The following IMMP2L variants were observed in gnomAD, a reference collection of about 807,000 sequenced individuals.
The protein encoded by IMMP2L is inner mitochondrial membrane peptidase subunit 2.
In IMMP2L, 18 loss-of-function variants were observed where a neutral mutation model predicts 19.3. The observed-to-expected ratio is 0.93, with a 90% CI of 0.64 to 1.38. The LOEUF (loss-of-function observed/expected upper bound fraction) is 1.38. Among genes scored for constraint, IMMP2L ranks in the 40% most tolerant of loss-of-function variants. The probability of loss-of-function intolerance (pLI) is 0.00; values close to 1 mark genes in which losing one functional copy is unlikely to be tolerated. For synonymous variants in IMMP2L, 76 were observed against 73.0 expected (o/e 1.04, Z -0.21); for missense variants, 233 against 218.2 (o/e 1.07, Z -0.43).
At chr7:111,546,895 A>T (rs1294195253) in intron 1 of IMMP2L, among the ~76,000 whole-genome samples, 2 of 152,214 alleles carry the variant, frequency 1.3e-5, no homozygotes, top group East Asian at 3.8e-4. Flanking sequence ...TCCAAATTTT[A>T]AAAATGAAAC....
chr7:111,275,313 A>G (rs1417802135), intron 3 of IMMP2L, among the ~76,000 whole-genome samples: 1 of 152,150 alleles, frequency 6.6e-6, no homozygotes, highest in Non-Finnish European at 1.5e-5. Context: ...ATTTCTACCA[A>G]CAAACTCAAA....
intron 4 of IMMP2L, among the ~76,000 whole-genome samples, chr7:110,919,617 A>T (rs1387639814): frequency 1.3e-5 from 2 of 152,174 alleles, no homozygotes; most frequent in African/African-American, 4.8e-5. Flanking sequence ...TTGAACCAGA[A>T]ATTCTCTTTT....
chr7:110,662,686 ACT>A lies in IMMP2L; in HGVS notation c.*914_*915del, dbSNP rs1791176421. On this transcript the variant is annotated 3_prime_UTR_variant, in exon 6 of 6. Coordinates refer to ENST00000405709, the MANE Select transcript of IMMP2L (RefSeq NM_032549.4). ...ATTCCATTATCCATACAAATTACAG[ACT>A]CTATGATTCTACTGTAACTTTGCAA... 6.6e-6 allele frequency among the ~76,000 whole-genome samples: 1 copy of A among 152,138 alleles called. No homozygotes were observed. The highest frequency in any genetic ancestry group is 1.5e-5 in the Non-Finnish European group (1 of 68,028).
At chr7:111,273,938 T>C (rs921336237) in intron 3 of IMMP2L, among the ~76,000 whole-genome samples, 3 of 152,190 alleles carry the variant, frequency 2.0e-5, no homozygotes, top group Non-Finnish European at 2.9e-5. Context: ...GAACTATATA[T>C]ACTTCTTAAA....
At chr7:110,815,786 C>T (rs778539374) in intron 5 of IMMP2L, among the ~76,000 whole-genome samples, 44 of 151,886 alleles carry the variant, frequency 2.9e-4, no homozygotes, top group Non-Finnish European at 5.3e-4. Context: ...GATGGTAGTT[C>T]GTATTTCTGT....
rs187377321 is a variant in IMMP2L at position 111,053,401 on chromosome 7, C to T, written c.240-89836G>A. ...TGTTCTTTCCTTACCAGTCAAATGGCCCTAGGTGGTCATATACCAGTTAAA... is the reference window on the plus strand; with the variant it reads ...TGTTCTTTCCTTACCAGTCAAATGGTCCTAGGTGGTCATATACCAGTTAAA... On this transcript the variant is annotated intron_variant, in intron 3 of 5. Coordinates refer to ENST00000405709, the MANE Select transcript of IMMP2L (RefSeq NM_032549.4). Among the ~76,000 whole-genome samples, 692 of 152,074 alleles carry T rather than the reference C, an allele frequency of 4.6e-3. 4 individuals carry two copies. Among genetic ancestry groups the T allele is most frequent in the African/African-American group, 0.016 (663 of 41,402 alleles).
At chr7:111,251,458 T>C (rs1039757225) in intron 3 of IMMP2L, among the ~76,000 whole-genome samples, 2 of 151,948 alleles carry the variant, frequency 1.3e-5, no homozygotes, top group African/African-American at 4.8e-5. Flanking sequence ...CGCACATATG[T>C]TCCATGCAGC....
At chr7:111,129,280 AG>A (rs1801620668) in intron 3 of IMMP2L, among the ~76,000 whole-genome samples, 1 of 152,080 alleles carries the variant, frequency 6.6e-6, no homozygotes, top group African/African-American at 2.4e-5. Flanking sequence ...TCTAGGAGAT[AG>A]GGAGTAATTA....
In IMMP2L at chr7:111,400,887, GTGACATGAT is replaced by G. The variant is rs1833362398; in HGVS notation, c.239+86342_239+86350del. ...CTTGTTTCCATAATGATCAACAGAAGTGACATGATTTTGCAGTCATGCCAAAAAAGAAAA... is the reference window on the plus strand; with the variant it reads ...CTTGTTTCCATAATGATCAACAGAAGTTTGCAGTCATGCCAAAAAAGAAAA... On this transcript the variant is annotated intron_variant, in intron 3 of 5. Coordinates refer to ENST00000405709, the MANE Select transcript of IMMP2L (RefSeq NM_032549.4). Among the ~76,000 whole-genome samples, 3 of 151,786 alleles carry G rather than the reference GTGACATGAT, an allele frequency of 2.0e-5. No homozygotes were observed. In the South Asian group the frequency reaches 6.3e-4, roughly 32 times the overall value.
chr7:111,313,282 T>C (rs1221966256), intron 3 of IMMP2L, among the ~76,000 whole-genome samples: 1 of 152,106 alleles, frequency 6.6e-6, no homozygotes, highest in Non-Finnish European at 1.5e-5. Context: ...CTTACAATCT[T>C]TCAAGATTGC....
At chr7:111,057,030 G>A (rs1423003593) in intron 3 of IMMP2L, among the ~76,000 whole-genome samples, 1 of 151,982 alleles carries the variant, frequency 6.6e-6, no homozygotes, top group East Asian at 1.9e-4. Context: ...TAATTACCTT[G>A]GAAACTTTCA....
At chr7:110,974,554 GC>G (rs1820495413) in intron 3 of IMMP2L, among the ~76,000 whole-genome samples, 1 of 151,938 alleles carries the variant, frequency 6.6e-6, no homozygotes, top group African/African-American at 2.4e-5. Context: ...AAAATATAGA[GC>G]CCCAAAGCCT....
At chr7:111,211,149 G>A (rs1049255086) in intron 3 of IMMP2L, among the ~76,000 whole-genome samples, 1 of 152,148 alleles carries the variant, frequency 6.6e-6, no homozygotes, top group East Asian at 1.9e-4. Flanking sequence ...AAATACTACA[G>A]AGAGTACTAC....
intron 3 of IMMP2L, among the ~76,000 whole-genome samples, chr7:111,173,868 T>C (rs2129609618): frequency 6.6e-6 from 1 of 151,692 alleles, no homozygotes; most frequent in Non-Finnish European, 1.5e-5. Flanking sequence ...CACAAGCAAA[T>C]ATCTGTCGTT....
chr7:111,332,945 A>C (rs1000091505), intron 3 of IMMP2L, among the ~76,000 whole-genome samples: 13 of 152,090 alleles, frequency 8.5e-5, no homozygotes, highest in Non-Finnish European at 1.5e-4. Flanking sequence ...AATGGAGGTA[A>C]GGGATATCTG....
At chr7:111,217,097 GTCTCTCTCTCTC>G (rs34795971) in intron 3 of IMMP2L, among the ~76,000 whole-genome samples, 1 of 126,812 alleles carries the variant, frequency 7.9e-6, no homozygotes, top group Non-Finnish European at 1.6e-5. Context: ...CTCTCCCTCC[GTCTCTCTCTCTC>G]TCTCTCTCTC....
intron 4 of IMMP2L, among the ~76,000 whole-genome samples, chr7:110,894,062 C>T (rs1191808466): frequency 6.6e-6 from 1 of 152,082 alleles, no homozygotes; most frequent in African/African-American, 2.4e-5. Context: ...CTGACTCTAC[C>T]CACCTTGGTG....
intron 5 of IMMP2L, among the ~76,000 whole-genome samples, chr7:110,683,454 A>G (rs930807912): frequency 6.6e-6 from 1 of 152,158 alleles, no homozygotes; most frequent in African/African-American, 2.4e-5. Context: ...AGTGGCTAAT[A>G]TGTATCATTT....
chr7:110,843,364 G>A (rs1805302099), intron 5 of IMMP2L, among the ~76,000 whole-genome samples: 2 of 152,134 alleles, frequency 1.3e-5, no homozygotes, highest in Non-Finnish European at 2.9e-5. Flanking sequence ...TAAAACTGTT[G>A]TGGTTTGATG....
Sources: allele counts gnomAD v4.1 joint callset (sites outside exome capture counted in the v4.1 genomes callset), GRCh38; gene constraint gnomAD v4.1.1; transcripts MANE v1.5; gene names NCBI Gene and HGNC (gene_info 2026-07-23, HGNC 2026-07-21).